The following STARD13 variants were observed in gnomAD, a reference collection of about 807,000 sequenced individuals.
STARD13 encodes the protein StAR related lipid transfer domain containing 13.
STARD13 carries 62 observed loss-of-function variants against 106.4 expected under a neutral mutation model. That is an observed-to-expected ratio of 0.58 (90% CI 0.48 to 0.72). The LOEUF (loss-of-function observed/expected upper bound fraction) is 0.72, where lower values mean the gene tolerates loss of function less well. Ranked by LOEUF, STARD13 falls within the 30% of genes least tolerant of loss-of-function variation. The probability of loss-of-function intolerance (pLI) is 0.00; values close to 1 mark genes in which losing one functional copy is unlikely to be tolerated. For missense variants in STARD13, 1,387 were observed against 1,424.0 expected, an observed-to-expected ratio of 0.97 and a Z score of 0.42; for synonymous variants, 565 against 553.0, an observed-to-expected ratio of 1.02 and a Z score of -0.31.
the STARD13 span, among the ~76,000 whole-genome samples, chr13:33,485,866 G>T: frequency 6.6e-6 from 1 of 152,298 alleles, no homozygotes; most frequent in African/African-American, 2.4e-5. Flanking sequence ...GGTCCATGCA[G>T]AGATGCAAGA....
At chr13:33,300,635 C>A (rs150064290) in intron 1 of STARD13, among the ~76,000 whole-genome samples, 160 of 152,270 alleles carry the variant, frequency 1.1e-3, no homozygotes, top group Admixed American at 1.7e-3. Context: ...TGGTAAAATT[C>A]TCTTAGTATA....
the STARD13 span, among the ~76,000 whole-genome samples, chr13:33,494,086 G>T: frequency 6.6e-6 from 1 of 152,182 alleles, no homozygotes; most frequent in Admixed American, 6.5e-5. Context: ...TTGAAACTGG[G>T]ACAGAAAGCG....
intron 1 of STARD13, among the ~76,000 whole-genome samples, chr13:33,320,278 G>A (rs1428821241): frequency 6.6e-6 from 1 of 152,194 alleles, no homozygotes; most frequent in African/African-American, 2.4e-5. Flanking sequence ...TGAGCCAGGA[G>A]CTGAGGGCTG....
chr13:33,629,387 T>C, the STARD13 span, among the ~76,000 whole-genome samples: 6 of 152,330 alleles, frequency 3.9e-5, no homozygotes, highest in South Asian at 6.2e-4. Context: ...GCCAAGAGCT[T>C]ATGTGTTGTC....
the STARD13 span, among the ~76,000 whole-genome samples, chr13:33,439,059 T>C: frequency 6.6e-6 from 1 of 152,244 alleles, no homozygotes; most frequent in Non-Finnish European, 1.5e-5. Context: ...TGTATAAGCA[T>C]GTAAATGACC....
intron 1 of STARD13, among the ~76,000 whole-genome samples, chr13:33,216,390 C>T (rs114033095): frequency 1.2e-4 from 18 of 152,130 alleles, no homozygotes; most frequent in East Asian, 1.9e-4. Flanking sequence ...ATCCATAAAA[C>T]GAATGAATTA....
chr13:33,402,272 T>G, the STARD13 span, among the ~76,000 whole-genome samples: 1 of 152,248 alleles, frequency 6.6e-6, no homozygotes, highest in African/African-American at 2.4e-5. Flanking sequence ...AAAAGAATAT[T>G]TGAAAGAAGT....
the STARD13 span, among the ~76,000 whole-genome samples, chr13:33,437,650 A>G: frequency 1.3e-5 from 2 of 152,176 alleles, no homozygotes; most frequent in Non-Finnish European, 2.9e-5. Flanking sequence ...AAAAGGGGGG[A>G]TGACTGTAAT....
chr13:33,668,519 A>G, the STARD13 span, among the ~76,000 whole-genome samples: 1 of 152,190 alleles, frequency 6.6e-6, no homozygotes. Context: ...CAAGAAAAGA[A>G]GAGTTTCTGC....
At chr13:33,644,228 C>A in the STARD13 span, among the ~76,000 whole-genome samples, 1 of 152,166 alleles carries the variant, frequency 6.6e-6, no homozygotes, top group East Asian at 1.9e-4. Context: ...CCTGGTCTGG[C>A]CATTTCTTGG....
At chr13:33,642,783 G>A in the STARD13 span, among the ~76,000 whole-genome samples, 1 of 151,614 alleles carries the variant, frequency 6.6e-6, no homozygotes, top group Non-Finnish European at 1.5e-5. Context: ...GATGACAGTG[G>A]GGGCTGTGAG....
At chr13:33,123,443 T>G (rs1418764967) in intron 7 of STARD13, among the ~76,000 whole-genome samples, 9 of 152,250 alleles carry the variant, frequency 5.9e-5, no homozygotes, top group African/African-American at 1.2e-4. Flanking sequence ...GAAAGATTCA[T>G]AAGAAGAGTA....
the STARD13 span, among the ~76,000 whole-genome samples, chr13:33,549,480 C>A: frequency 1.3e-5 from 2 of 152,166 alleles, no homozygotes; most frequent in Admixed American, 6.5e-5. Flanking sequence ...ATTTTAAAAT[C>A]TAAAAATCCA....
intron 3 of STARD13, among the ~76,000 whole-genome samples, chr13:33,164,608 A>G (rs1883110550): frequency 6.6e-6 from 1 of 152,216 alleles, no homozygotes; most frequent in African/African-American, 2.4e-5. Flanking sequence ...CCTCTCAGGC[A>G]GCATTTAATT....
At chr13:33,354,132 C>T (rs2078104927), upstream of STARD13, among the ~76,000 whole-genome samples, 1 of 152,194 alleles carries the variant, frequency 6.6e-6, no homozygotes, top group African/African-American at 2.4e-5. Context: ...TGAAACACCT[C>T]CATACATCCT....
intron 1 of STARD13, among the ~76,000 whole-genome samples, chr13:33,239,787 A>G (rs1301211887): frequency 6.6e-6 from 1 of 152,144 alleles, no homozygotes; most frequent in Non-Finnish European, 1.5e-5. Context: ...TATATATTCT[A>G]GATATTAACC....
the STARD13 span, among the ~76,000 whole-genome samples, chr13:33,621,610 G>A: frequency 6.8e-6 from 1 of 148,106 alleles, no homozygotes; most frequent in African/African-American, 2.5e-5. Flanking sequence ...AACCCGGGAG[G>A]CAGAGCTTGC....
the STARD13 span, among the ~76,000 whole-genome samples, chr13:33,643,159 GCACACACACACACACACACACACA>G: frequency 7.2e-6 from 1 of 139,714 alleles, no homozygotes; most frequent in Non-Finnish European, 1.6e-5. Context: ...CATAGAACAT[GCACACACACACACACACACACACA>G]CACACACACA....
At position 33,219,243 on chromosome 13, in the gene STARD13, T is replaced by C. The variant is rs557115255; in HGVS notation, c.170-51621A>G. Among the ~76,000 whole-genome samples, 16 of 152,190 alleles carry C rather than the reference T, an allele frequency of 1.1e-4. No individual in the cohort carries two copies. In the South Asian group the frequency reaches 2.9e-3, roughly 28 times the overall value. ...AGTACTGCAAAGACACCAATCTTTCTTTGATGTGTGTCCCTTTCTTCCCTT... is the reference window on the plus strand; with the variant it reads ...AGTACTGCAAAGACACCAATCTTTCCTTGATGTGTGTCCCTTTCTTCCCTT... On this transcript the variant is annotated intron_variant, in intron 1 of 13. Coordinates refer to ENST00000336934, the MANE Select transcript of STARD13 (RefSeq NM_178006.4).
Sources: gnomAD v4.1 joint callset for allele counts (sites outside exome capture counted in the v4.1 genomes callset) on GRCh38, gnomAD v4.1.1 for gene constraint, MANE v1.5 for transcripts, NCBI Gene and HGNC (gene_info 2026-07-23, HGNC 2026-07-21) for gene names.